The following OXR1 variants were observed in gnomAD, a reference collection of about 807,000 sequenced individuals.
OXR1 encodes the protein oxidation resistance protein 1.
Under a neutral mutation model 104.6 loss-of-function variants are expected in OXR1, and 41 were observed. The ratio of observed to expected loss-of-function variants is 0.39; its 90% CI spans 0.31 to 0.51. OXR1 has a LOEUF of 0.51. Ranked by LOEUF, OXR1 falls within the 20% of genes least tolerant of loss-of-function variation. The pLI, the probability that OXR1 is intolerant of heterozygous loss-of-function variation, is 0.77. For synonymous variants in OXR1, 348 were observed against 348.4 expected, an observed-to-expected ratio of 1.00 and a Z score of 0.01; for missense variants, 955 against 1,031.9, an observed-to-expected ratio of 0.93 and a Z score of 1.02.
At chr8:106,447,870 T>TA in intron 2 of OXR1, 1 of 1,479,336 alleles carries the variant, frequency 6.8e-7, no homozygotes, top group East Asian at 2.5e-5. Flanking sequence ...GTTGGTCTGA[T>TA]ACTAGCCCCA....
intron 2 of OXR1, among the ~76,000 whole-genome samples, chr8:106,483,688 T>C (rs1170678770): frequency 6.6e-6 from 1 of 152,110 alleles, no homozygotes; most frequent in African/African-American, 2.4e-5. Flanking sequence ...AATGTATTAG[T>C]CTTATGGTAA....
chr8:106,342,177 G>A (rs867452748), intron 1 of OXR1, among the ~76,000 whole-genome samples: 23 of 151,464 alleles, frequency 1.5e-4, no homozygotes, highest in African/African-American at 5.1e-4. Flanking sequence ...ACCTGACCCC[G>A]TCTATATCCT....
intron 3 of OXR1, among the ~76,000 whole-genome samples, chr8:106,588,732 G>C (rs1818847874): frequency 6.6e-6 from 1 of 151,954 alleles, no homozygotes; most frequent in African/African-American, 2.4e-5. Context: ...GCCCTCCTCG[G>C]CCTCCCAAAG....
At chr8:106,714,234 T>A (rs1446499750) in intron 11 of OXR1, among the ~76,000 whole-genome samples, 1 of 152,036 alleles carries the variant, frequency 6.6e-6, no homozygotes, top group East Asian at 1.9e-4. Context: ...TTATTGAGTG[T>A]CTTATAGAAT....
chr8:106,462,193 A>G lies in OXR1; in HGVS notation c.24-56750A>G, dbSNP rs1789966. ...AAAATCCTACCTCTGCAAATAATATAGCAGAATTAAAACCATTTAGAGAAC... is the reference window on the plus strand; with the variant it reads ...AAAATCCTACCTCTGCAAATAATATGGCAGAATTAAAACCATTTAGAGAAC... On this transcript the variant is annotated intron_variant, in intron 2 of 16. Transcript: ENST00000517566. Among the ~76,000 whole-genome samples, 5 of 152,336 alleles carry G rather than the reference A, an allele frequency of 3.3e-5. No individual in the cohort carries two copies. In the East Asian group the frequency reaches 7.7e-4, roughly 24 times the overall value.
chr8:106,659,760 T>C (rs1005654047), intron 3 of OXR1, among the ~76,000 whole-genome samples: 3 of 152,222 alleles, frequency 2.0e-5, no homozygotes, highest in African/African-American at 7.2e-5. Context: ...CTCAGGAGGC[T>C]GGGGCGGGAA....
At chr8:106,427,376 C>T (rs1819174587) in intron 2 of OXR1, among the ~76,000 whole-genome samples, 1 of 151,968 alleles carries the variant, frequency 6.6e-6, no homozygotes, top group South Asian at 2.1e-4. Context: ...ATCATGTTAG[C>T]CAGGATGGTC....
chr8:106,390,306 A>G (rs1387531309), intron 2 of OXR1, among the ~76,000 whole-genome samples: 1 of 152,146 alleles, frequency 6.6e-6, no homozygotes, highest in Admixed American at 6.6e-5. Flanking sequence ...ACCTTAATGG[A>G]CAAAAAACAT....
intron 3 of OXR1, among the ~76,000 whole-genome samples, chr8:106,559,439 A>T (rs1416172476): frequency 6.6e-6 from 1 of 152,142 alleles, no homozygotes; most frequent in Admixed American, 6.5e-5. Flanking sequence ...TCCAGCCTTT[A>T]TCCATTAGTC....
intron 1 of OXR1, among the ~76,000 whole-genome samples, chr8:106,318,959 T>C (rs1388896834): frequency 6.6e-6 from 1 of 152,218 alleles, no homozygotes; most frequent in Non-Finnish European, 1.5e-5. Flanking sequence ...TCTGAGTCTA[T>C]CAATCTTATT....
At chr8:106,516,798 C>T (rs1310171880) in intron 2 of OXR1, among the ~76,000 whole-genome samples, 1 of 152,016 alleles carries the variant, frequency 6.6e-6, no homozygotes, top group African/African-American at 2.4e-5. Flanking sequence ...AAGAGAGAGA[C>T]CTCATTCATG....
At chr8:106,469,748 A>C (rs1821382332) in intron 2 of OXR1, among the ~76,000 whole-genome samples, 1 of 151,854 alleles carries the variant, frequency 6.6e-6, no homozygotes, top group Non-Finnish European at 1.5e-5. Context: ...TGATATTCAA[A>C]AACAGGCAAC....
chr8:106,621,166 TG>T (rs1821668098), intron 3 of OXR1, among the ~76,000 whole-genome samples: 1 of 152,172 alleles, frequency 6.6e-6, no homozygotes, highest in South Asian at 2.1e-4. Context: ...TATCCTTTAT[TG>T]AATTAGCAAG....
chr8:106,608,694 C>A (rs957870985), intron 3 of OXR1, among the ~76,000 whole-genome samples: 4 of 152,090 alleles, frequency 2.6e-5, no homozygotes, highest in African/African-American at 9.7e-5. Flanking sequence ...ACTCTCAGTA[C>A]CCAGTGACAG....
At chr8:106,639,192 CT>C (rs887986320) in intron 3 of OXR1, among the ~76,000 whole-genome samples, 2 of 151,970 alleles carry the variant, frequency 1.3e-5, no homozygotes, top group African/African-American at 4.8e-5. Flanking sequence ...ATGAATCTTC[CT>C]TTTTTTTGTT....
intron 11 of OXR1, among the ~76,000 whole-genome samples, chr8:106,725,609 A>C (rs887979731): frequency 6.6e-6 from 1 of 152,224 alleles, no homozygotes; most frequent in Non-Finnish European, 1.5e-5. Flanking sequence ...ACTGTGTAAC[A>C]GGCAGAGGGA....
intron 3 of OXR1, among the ~76,000 whole-genome samples, chr8:106,568,775 T>G (rs949585599): frequency 1.3e-5 from 2 of 152,120 alleles, no homozygotes; most frequent in African/African-American, 2.4e-5. Flanking sequence ...AATACCAACA[T>G]GATTATTTGT....
intron 2 of OXR1, chr8:106,448,090 T>C: frequency 1.3e-6 from 2 of 1,533,566 alleles, no homozygotes; most frequent in Non-Finnish European, 8.7e-7. Flanking sequence ...TTACTTCCTG[T>C]GTTATGAAGA....
chr8:106,642,781 C>T (rs1370010844), intron 3 of OXR1, among the ~76,000 whole-genome samples: 6 of 152,182 alleles, frequency 3.9e-5, no homozygotes, highest in African/African-American at 1.4e-4. Context: ...TTTTAAAATG[C>T]TATTGAAATG....
Sources: gnomAD v4.1 joint callset for allele counts (sites outside exome capture counted in the v4.1 genomes callset) on GRCh38, gnomAD v4.1.1 for gene constraint, MANE v1.5 for transcripts, NCBI Gene and HGNC (gene_info 2026-07-23, HGNC 2026-07-21) for gene names.